The following PCDH15 variants were observed in gnomAD, a reference collection of about 807,000 sequenced individuals.
PCDH15 encodes protocadherin related 15.
Under a neutral mutation model 178.5 loss-of-function variants are expected in PCDH15, and 129 were observed. That is an observed-to-expected ratio of 0.72 (90% confidence interval 0.63 to 0.84). The LOEUF (loss-of-function observed/expected upper bound fraction) is 0.84. Ranked by LOEUF, PCDH15 falls within the 40% of genes least tolerant of loss-of-function variation. The pLI is 0.00. For synonymous variants in PCDH15, 800 were observed against 732.0 expected, an observed-to-expected ratio of 1.09 and a Z score of -1.50; for missense variants, 2,230 against 2,099.9, an observed-to-expected ratio of 1.06 and a Z score of -1.21.
intron 2 of PCDH15, among the ~76,000 whole-genome samples, chr10:55,408,326 C>T (rs1838252049): frequency 6.6e-6 from 1 of 152,000 alleles, no homozygotes; most frequent in African/African-American, 2.4e-5. Context: ...GCTGAGACTA[C>T]AGGCACCTGC....
At chr10:54,314,010 A>G (rs2061071232) in intron 8 of PCDH15, among the ~76,000 whole-genome samples, 1 of 152,092 alleles carries the variant, frequency 6.6e-6, no homozygotes, top group Admixed American at 6.6e-5. Flanking sequence ...TTCAATGTAT[A>G]CCTTCTCTTG....
At chr10:54,676,042 A>C (rs2094782759) in intron 1 of PCDH15, among the ~76,000 whole-genome samples, 1 of 152,124 alleles carries the variant, frequency 6.6e-6, no homozygotes, top group African/African-American at 2.4e-5. Context: ...AGGAAGTTCT[A>C]TTTCCTTTAA....
At chr10:55,340,579 T>C (rs1339425625) in intron 2 of PCDH15, among the ~76,000 whole-genome samples, 2 of 152,086 alleles carry the variant, frequency 1.3e-5, no homozygotes, top group African/African-American at 4.8e-5. Flanking sequence ...AGCAATATAA[T>C]ATATTCGTGT....
At chr10:54,049,916 G>C (rs1268140448) in intron 18 of PCDH15, among the ~76,000 whole-genome samples, 1 of 152,158 alleles carries the variant, frequency 6.6e-6, no homozygotes, top group Admixed American at 6.5e-5. Flanking sequence ...ATGGTGCCCA[G>C]CTTTGTCATT....
chr10:54,240,333 A>T (rs1487132235), intron 8 of PCDH15, among the ~76,000 whole-genome samples: 3 of 152,096 alleles, frequency 2.0e-5, no homozygotes, highest in African/African-American at 7.2e-5. Flanking sequence ...AAAGGAAAAA[A>T]AAAAGTAGTA....
At chr10:54,427,509 C>T (rs533895801) in intron 3 of PCDH15, among the ~76,000 whole-genome samples, 2 of 151,890 alleles carry the variant, frequency 1.3e-5, no homozygotes, top group East Asian at 1.9e-4. Flanking sequence ...AACTCCTGAC[C>T]TCAGGTGATC....
intron 2 of PCDH15, among the ~76,000 whole-genome samples, chr10:55,429,173 G>A (rs1204739029): frequency 1.3e-5 from 2 of 151,762 alleles, no homozygotes; most frequent in African/African-American, 4.8e-5. Flanking sequence ...CATTTCTAGT[G>A]GTATTTTTTT....
intron 2 of PCDH15, among the ~76,000 whole-genome samples, chr10:54,656,270 G>A (rs2094404410): frequency 1.3e-5 from 2 of 151,986 alleles, no homozygotes; most frequent in Admixed American, 1.3e-4. Flanking sequence ...AGAAGCTAGG[G>A]TACAGAAAAA....
chr10:54,942,932 C>G (rs1008904123), intron 2 of PCDH15, among the ~76,000 whole-genome samples: 6 of 151,864 alleles, frequency 4.0e-5, no homozygotes, highest in African/African-American at 7.3e-5. Context: ...TAATGTGGTG[C>G]CTTATTTGTC....
rs909201943 is a variant in PCDH15 at position 55,480,107 on chromosome 10, T to G, written c.-156+147518A>C. ...CTTTGGGTAGTATGTCATTGTAATG[T>G]TATCGATTTTCCTGCCTATGATCAT... On this transcript the variant is annotated intron_variant, in intron 2 of 5. Coordinates refer to the PCDH15 transcript ENST00000613346. Among the ~76,000 whole-genome samples, 5 of 151,560 alleles carry G rather than the reference T, an allele frequency of 3.3e-5. 1 individual carries two copies. The South Asian group carries it at 1.0e-3, about 31-fold the overall frequency.
intron 1 of PCDH15, among the ~76,000 whole-genome samples, chr10:55,278,083 C>T (rs1004763114): frequency 2.0e-5 from 3 of 152,082 alleles, no homozygotes; most frequent in African/African-American, 4.8e-5. Flanking sequence ...TCATAAACTA[C>T]ATGTCAATGC....
chr10:54,494,613 A>G (rs2079935119), intron 3 of PCDH15, among the ~76,000 whole-genome samples: 1 of 152,086 alleles, frequency 6.6e-6, no homozygotes, highest in Non-Finnish European at 1.5e-5. Flanking sequence ...CCACCCTTTC[A>G]TGCCACATAT....
intron 1 of PCDH15, among the ~76,000 whole-genome samples, chr10:54,771,674 AACAG>A (rs1026192106): frequency 6.6e-6 from 1 of 152,114 alleles, no homozygotes; most frequent in African/African-American, 2.4e-5. Context: ...ACACCAAGCA[AACAG>A]ACATTTATTT....
chr10:54,328,827 C>A (rs1938767849), intron 7 of PCDH15, among the ~76,000 whole-genome samples: 1 of 151,798 alleles, frequency 6.6e-6, no homozygotes, highest in African/African-American at 2.4e-5. Context: ...GAACCTAAGT[C>A]CCTGGTGATA....
chr10:53,915,180 A>G (rs2083433203), intron 25 of PCDH15, among the ~76,000 whole-genome samples: 1 of 152,212 alleles, frequency 6.6e-6, no homozygotes, highest in Admixed American at 6.5e-5. Context: ...TTTGAGAGAA[A>G]AGAGAGAAAT....
chr10:54,476,829 C>G (rs1394889334), intron 3 of PCDH15, among the ~76,000 whole-genome samples: 5 of 152,120 alleles, frequency 3.3e-5, no homozygotes, highest in African/African-American at 9.7e-5. Flanking sequence ...GGGGTCAAAC[C>G]TGTAATCCTG....
chr10:54,117,510 C>T (rs960481074), intron 15 of PCDH15, among the ~76,000 whole-genome samples: 4 of 152,152 alleles, frequency 2.6e-5, no homozygotes, highest in African/African-American at 7.2e-5. Context: ...CTGTTTCCGT[C>T]CTGTTTGTGT....
intron 2 of PCDH15, among the ~76,000 whole-genome samples, chr10:55,019,038 C>A (rs1840258484): frequency 6.6e-6 from 1 of 152,016 alleles, no homozygotes; most frequent in Non-Finnish European, 1.5e-5. Flanking sequence ...TAATTGTATT[C>A]AAAACTATCT....
intron 18 of PCDH15, among the ~76,000 whole-genome samples, chr10:54,050,102 A>G (rs1223561991): frequency 6.6e-6 from 1 of 151,752 alleles, no homozygotes; most frequent in East Asian, 1.9e-4. Flanking sequence ...AGTCCCTCCT[A>G]CTCGAAGTTT....
Sources: allele counts gnomAD v4.1 joint callset (sites outside exome capture counted in the v4.1 genomes callset), GRCh38; gene constraint gnomAD v4.1.1; transcripts MANE v1.5; gene names NCBI Gene and HGNC (gene_info 2026-07-23, HGNC 2026-07-21).